STAB1: variants seen among roughly 807,000 people sequenced by gnomAD.
The protein encoded by STAB1 is stabilin 1.
STAB1 carries 250 observed loss-of-function variants against 332.4 expected under a neutral mutation model. The ratio of observed to expected loss-of-function variants is 0.75; its 90% CI spans 0.68 to 0.84. STAB1 has a LOEUF of 0.84. Ranked by LOEUF, STAB1 falls within the 40% of genes least tolerant of loss-of-function variation. STAB1 has a pLI of 0.00. For missense variants in STAB1, 3,249 were observed against 3,489.7 expected (o/e 0.93, Z 1.74); for synonymous variants, 1,475 against 1,390.4 (o/e 1.06, Z -1.35).
In STAB1 at chr3:52,522,071, C is replaced by T. The variant is rs767535293; in HGVS notation, c.6306C>T (p.Cys2102=). The T allele has an allele frequency of 1.2e-6, 2 of 1,613,328 alleles. No individual in the cohort carries two copies. The highest frequency in any genetic ancestry group is 1.1e-5 in the South Asian group (1 of 91,090). The change falls in exon 59 of 69, where the codon TGC becomes TGT. Residue 2102 remains cysteine, a synonymous_variant. Transcript: ENST00000321725. ...ADLCQDGHGG[C]SEHANCSQVG... Reference sequence around the variant, plus strand: ...TGTGCCAGGACGGGCATGGTGGCTGCAGTGAGCACGCCAACTGTAGCCAGG... The same window carrying T: ...TGTGCCAGGACGGGCATGGTGGCTGTAGTGAGCACGCCAACTGTAGCCAGG...
At chr3:52,506,874 G>A (rs1014430119) in intron 18 of STAB1, 24 bp downstream of exon 18, 3 of 1,609,950 alleles carry the variant, frequency 1.9e-6, no homozygotes, top group Admixed American at 1.7e-5. Context: ...GCACGGCCAG[G>A]GCCCTACTCA....
intron 67 of STAB1, 41 bp from the exon 68 acceptor site, chr3:52,524,059 C>T (rs778900523): frequency 8.1e-6 from 13 of 1,612,464 alleles, no homozygotes; most frequent in East Asian, 4.5e-5. Flanking sequence ...CCTTGGATCT[C>T]GCTTGAGGCG....
chr3:52,507,761 C>A, intron 19 of STAB1, 86 bp downstream of exon 19: 2 of 1,563,642 alleles, frequency 1.3e-6, no homozygotes, highest in South Asian at 1.1e-5. Context: ...GTGGGGGAAG[C>A]AGAGGCTGGG....
At position 52,521,435 on chromosome 3, in the gene STAB1, T is replaced by G; in HGVS notation, c.5983T>G (p.Cys1995Gly). The stretch of plus-strand genomic sequence containing the variant: ...GGACGGCATGAGTGGCAGTGGGCAG[T>G]GTCTGTGCCGTTCAGGTTTTGCTGG... ...CMDGMSGSGQ[C>G]LCRSGFAGTA... Residue 1995 changes from cysteine (C) to glycine (G), a missense_variant, in exon 56 of 69, where the codon TGT (cysteine) becomes GGT (glycine). By Grantham distance (159) the Cys-to-Gly change is radical (BLOSUM62 -3). Coordinates refer to ENST00000321725, the MANE Select transcript of STAB1 (RefSeq NM_015136.3). The G allele has an allele frequency of 1.2e-6, 2 of 1,614,000 alleles. No homozygotes were observed. The highest frequency in any genetic ancestry group is 1.7e-6 in the Non-Finnish European group (2 of 1,180,018).
In STAB1 at chr3:52,516,029, C is replaced by A; in HGVS notation, c.3949-14C>A. 1 of 1,593,976 alleles carries A rather than the reference C, an allele frequency of 6.3e-7. No homozygotes were observed. Among genetic ancestry groups the A allele is most frequent in the Non-Finnish European group, 8.5e-7 (1 of 1,170,808 alleles). ...GGGCCTCTCTCGCCCTCTCTCCCAT[C>A]CCCACGCCGACAGGTGCCGGACTGC... On this transcript the variant is annotated splice_polypyrimidine_tract_variant and intron_variant, in intron 37 of 68. Transcript: ENST00000321725.
At chr3:52,506,035 T>TCCCTTC in intron 16 of STAB1, 99 bp downstream of exon 16, 1 of 1,533,542 alleles carries the variant, frequency 6.5e-7, no homozygotes, top group Middle Eastern at 1.7e-4. Context: ...CCATCTCCCT[T>TCCCTTC]CCCTTCTCAT....
Position 52,504,468 on chromosome 3 carries a change from C to T in STAB1, c.1158C>T (p.Gly386=), listed in dbSNP as rs1250255915. Residue 386 remains glycine (G), a synonymous_variant, in exon 11 of 69, where the codon GGC becomes GGT. Transcript: ENST00000321725. ...LRVAVAMMDQ[G]CREILTTAGP... ...CCTCACCCTGCCCCCCAGACCAGGG[C>T]TGCCGGGAAATCCTTACCACAGCGG... 6.2e-7 allele frequency: 1 copy of T among 1,613,916 alleles called. No homozygotes were observed. The highest frequency in any genetic ancestry group is 1.7e-5 in the Admixed American group (1 of 60,000).
Position 52,519,969 on chromosome 3 carries a change from G to A in STAB1, c.5261G>A (p.Arg1754Gln), listed in dbSNP as rs201686549. 8.2e-6 allele frequency: 13 copies of A among 1,592,048 alleles called. No homozygotes were observed. Among genetic ancestry groups the A allele is most frequent in the East Asian group, 2.2e-5 (1 of 44,504 alleles). The change falls in exon 51 of 69, where the codon CGA (arginine) becomes CAA (glutamine). Residue 1754 changes from arginine (R) to glutamine (Q), a missense_variant. By Grantham distance (43) the Arg-to-Gln change is conservative. Coordinates refer to ENST00000321725, the MANE Select transcript of STAB1 (RefSeq NM_015136.3). Reference protein sequence around the residue: ...LKVAGLLPLLREASHRPFTML... With the variant: ...LKVAGLLPLLQEASHRPFTML... ...GTGGCCGGCCTCCTGCCCCTGCTTC[G>A]AGAGGCATCCCATAGGCCCTTCACA...
In STAB1 at chr3:52,507,997, T is replaced by C. The variant is rs376440947; in HGVS notation, c.2119T>C (p.Cys707Arg). Residue 707 changes from cysteine to arginine, a missense_variant, in exon 20 of 69, where the codon TGT (cysteine) becomes CGT (arginine). Coordinates refer to ENST00000321725, the MANE Select transcript of STAB1 (RefSeq NM_015136.3). ...PTGLNVLKKG[C>R]ASYCNQTIME... ...GGGGCTCAATGTGCTAAAGAAGGGC[T>C]GTGCCAGCTACTGCAACCAAACCAT... 13 of 1,613,538 alleles carry C rather than the reference T, an allele frequency of 8.1e-6. No individual in the cohort carries two copies. The highest frequency in any genetic ancestry group is 8.5e-7 in the Non-Finnish European group (1 of 1,179,988).
At chr3:52,504,977 T>C in intron 12 of STAB1, 26 bp from the exon 13 acceptor site, 2 of 1,613,262 alleles carry the variant, frequency 1.2e-6, no homozygotes, top group South Asian at 2.2e-5. Flanking sequence ...ATATGGGATC[T>C]GGCCAGACCT....
chr3:52,498,627 T>G (rs1708216554), intron 1 of STAB1, among the ~76,000 whole-genome samples: 1 of 152,200 alleles, frequency 6.6e-6, no homozygotes, highest in South Asian at 2.1e-4. Context: ...TGTCTCAGAG[T>G]GCGACCAGCA....
chr3:52,507,051 G>A (rs1708931078), intron 18 of STAB1, among the ~76,000 whole-genome samples: 1 of 152,192 alleles, frequency 6.6e-6, no homozygotes, highest in Non-Finnish European at 1.5e-5. Context: ...TTTGAGATTT[G>A]TTTTGTTTTT....
rs748159000 is a variant in STAB1, at chr3:52,502,986, C to T, written c.584-13C>T. 1.3e-6 allele frequency: 2 copies of T among 1,543,802 alleles called. No individual in the cohort carries two copies. Among genetic ancestry groups the T allele is most frequent in the Non-Finnish European group, 1.7e-6 (2 of 1,143,896 alleles). On this transcript the variant is annotated splice_polypyrimidine_tract_variant and intron_variant, in intron 6 of 68. Coordinates refer to ENST00000321725, the MANE Select transcript of STAB1 (RefSeq NM_015136.3). ...GGGCTTGGGCTCATCAGTGCTCTCT[C>T]CACTCTGCGCAGAGCTGCCCGTCTG...
chr3:52,497,821 G>A (rs951403243), intron 1 of STAB1, among the ~76,000 whole-genome samples: 1 of 152,186 alleles, frequency 6.6e-6, no homozygotes, highest in Admixed American at 6.5e-5. Context: ...ATTAGGAGTG[G>A]AAGCTCTGAG....
rs1232010403 is a variant in STAB1, at chr3:52,517,716, G to C, written c.4638+92G>C. Reference sequence around the variant, plus strand: ...CTTCTCACCTCCAGCAGGGTCCTAAGGGCCTCTGCAGGGTGGGCTATCCTC... The same window carrying C: ...CTTCTCACCTCCAGCAGGGTCCTAACGGCCTCTGCAGGGTGGGCTATCCTC... On this transcript the variant is annotated intron_variant, in intron 44 of 68. Coordinates refer to ENST00000321725, the MANE Select transcript of STAB1 (RefSeq NM_015136.3). The C allele has an allele frequency of 1.9e-6, 3 of 1,554,822 alleles. No individual in the cohort carries two copies. The African/African-American group carries it at 4.1e-5, about 21-fold the overall frequency.
intron 17 of STAB1, 63 bp downstream of exon 17, chr3:52,506,313 T>A: frequency 6.8e-7 from 1 of 1,460,654 alleles, no homozygotes; most frequent in East Asian, 2.4e-5. Flanking sequence ...CCACTTGGCC[T>A]CTCAGCCTTG....
chr3:52,520,725 T>C, intron 54 of STAB1, 27 bp downstream of exon 54: 1 of 599,518 alleles, frequency 1.7e-6, no homozygotes. Context: ...TGAGTGGGGG[T>C]GGTGGGGTGG....
In STAB1 at chr3:52,501,210, T is replaced by A; in HGVS notation, c.123T>A (p.His41Gln). The change falls in exon 2 of 69, where the codon CAT becomes CAA. Residue 41 changes from histidine (H) to glutamine (Q), a missense_variant. His to Gln is a conservative substitution (Grantham distance 24). Transcript: ENST00000321725. ...GCDVKTTFVTHVPCTSCAAIK... is the reference protein window; with the variant it reads ...GCDVKTTFVTQVPCTSCAAIK... Reference sequence around the variant, plus strand: ...ATGTGAAAACCACGTTTGTCACTCATGTACCCTGCACCTCGTGCGCGGCCA... The same window carrying A: ...ATGTGAAAACCACGTTTGTCACTCAAGTACCCTGCACCTCGTGCGCGGCCA... 6.2e-7 allele frequency: 1 copy of A among 1,613,762 alleles called. No homozygotes were observed. The highest frequency in any genetic ancestry group is 1.1e-5 in the South Asian group (1 of 91,084).
chr3:52,515,551 G>T (rs745613595), intron 37 of STAB1, 45 bp downstream of exon 37: 3 of 1,597,226 alleles, frequency 1.9e-6, no homozygotes, highest in South Asian at 1.1e-5. Flanking sequence ...GAGAGAAGGA[G>T]GTGGGAGTGG....
Sources: allele counts gnomAD v4.1 joint callset (sites outside exome capture counted in the v4.1 genomes callset), GRCh38; gene constraint gnomAD v4.1.1; transcripts MANE v1.5; gene names NCBI Gene and HGNC (gene_info 2026-07-23, HGNC 2026-07-21).